DOCK1: variants seen among roughly 807,000 people sequenced by gnomAD.
The protein encoded by DOCK1 is dedicator of cytokinesis 1.
In DOCK1, 138 loss-of-function variants were observed where a neutral mutation model predicts 262.7. The ratio of observed to expected loss-of-function variants is 0.53; its 90% CI spans 0.46 to 0.61. DOCK1 has a LOEUF of 0.61. Among genes scored for constraint, DOCK1 ranks in the 20% least tolerant of loss-of-function variants. DOCK1 has a pLI of 0.00. For missense variants in DOCK1, 1,908 were observed against 2,370.7 expected (o/e 0.80, Z 4.05); for synonymous variants, 866 against 867.4 (o/e 1.00, Z 0.03).
Position 127,093,678 on chromosome 10 carries a change from A to G in DOCK1, c.2446-12553A>G, listed in dbSNP as rs534988666. 1.8e-3 allele frequency among the ~76,000 whole-genome samples: 266 copies of G among 151,458 alleles called. 2 individuals carry two copies. Among genetic ancestry groups the G allele is most frequent in the African/African-American group, 6.1e-3 (252 of 41,266 alleles). The stretch of plus-strand genomic sequence containing the variant: ...GCCTTTTTTTTTTTCTTATAAAGAT[A>G]GTCATCATTGGATTTAGGGCCCACT... On this transcript the variant is annotated intron_variant, in intron 23 of 51. Transcript: ENST00000623213.
intron 31 of DOCK1, among the ~76,000 whole-genome samples, chr10:127,350,404 G>A (rs1289549361): frequency 1.3e-5 from 2 of 152,072 alleles, no homozygotes; most frequent in Non-Finnish European, 1.5e-5. Flanking sequence ...TGGGGCCTTG[G>A]CGCCTGCTGG....
At chr10:126,974,353 T>A (rs1414268419) in intron 2 of DOCK1, among the ~76,000 whole-genome samples, 1 of 152,180 alleles carries the variant, frequency 6.6e-6, no homozygotes, top group Non-Finnish European at 1.5e-5. Flanking sequence ...TTTATTCAAC[T>A]CTTTAAAAGG....
chr10:127,307,898 G>A (rs1159978307), intron 29 of DOCK1, among the ~76,000 whole-genome samples: 1 of 152,212 alleles, frequency 6.6e-6, no homozygotes, highest in Non-Finnish European at 1.5e-5. Context: ...ACAATGCAGA[G>A]AATGAGTTCT....
At chr10:127,172,714 C>T (rs1486179546) in intron 27 of DOCK1, among the ~76,000 whole-genome samples, 6 of 152,138 alleles carry the variant, frequency 3.9e-5, no homozygotes, top group African/African-American at 1.4e-4. Flanking sequence ...CTACCTTCCA[C>T]CGTGAGCTTG....
rs751168047 is a variant in DOCK1 at position 126,981,998 on chromosome 10, T to A, written c.227+25T>A. On this transcript the variant is annotated intron_variant, in intron 4 of 51. Transcript: ENST00000623213. Reference sequence around the variant, plus strand: ...GGTGAGTCTGGTCTTGATGTTTAAATGAAGAATTGCAAGTACTATATTTGG... The same window carrying A: ...GGTGAGTCTGGTCTTGATGTTTAAAAGAAGAATTGCAAGTACTATATTTGG... 3.1e-6 allele frequency: 5 copies of A among 1,611,030 alleles called. No homozygotes were observed. The African/African-American group carries it at 6.7e-5, about 22-fold the overall frequency.
At chr10:127,285,436 A>G (rs867435742) in intron 29 of DOCK1, among the ~76,000 whole-genome samples, 5 of 152,254 alleles carry the variant, frequency 3.3e-5, no homozygotes, top group Non-Finnish European at 7.3e-5. Context: ...CTCATCCTCC[A>G]TAAATGGCCA....
At chr10:127,110,120 TGA>T in intron 24 of DOCK1, 126 bp from the exon 25 acceptor site, 3 of 734,882 alleles carry the variant, frequency 4.1e-6, no homozygotes, top group Non-Finnish European at 4.7e-6. Flanking sequence ...CCATAGTGCA[TGA>T]GAGGCTGTGT....
intron 25 of DOCK1, among the ~76,000 whole-genome samples, chr10:127,115,876 T>C (rs1371558745): frequency 1.3e-5 from 2 of 152,226 alleles, no homozygotes; most frequent in Non-Finnish European, 2.9e-5. Context: ...ACTTATTTGC[T>C]TTGCAAGGTA....
intron 27 of DOCK1, among the ~76,000 whole-genome samples, chr10:127,234,157 A>T (rs1048309738): frequency 9.2e-5 from 14 of 152,230 alleles, no homozygotes; most frequent in Non-Finnish European, 1.9e-4. Context: ...CATTATTATA[A>T]TTTGACATTA....
rs761940729 is a variant in DOCK1 at position 127,384,795 on chromosome 10, G to A, written c.3813G>A (p.Ser1271=). 26 of 1,579,538 alleles carry A rather than the reference G, an allele frequency of 1.6e-5. No homozygotes were observed. Among genetic ancestry groups the A allele is most frequent in the Middle Eastern group, 1.7e-4 (1 of 5,918 alleles). ...ATGCTATGCTTCTCCCTTAGTGGTC[G>A]GAGGATGTGTGTGTGGCCCACCTCA... ...LLLHAKLLKW[S]EDVCVAHLTQ... is the part of the protein sequence containing the mutation. Residue 1271 remains serine, a synonymous_variant, in exon 38 of 52, where the codon TCG becomes TCA. Transcript: ENST00000623213.
At chr10:127,362,882 T>TGCACATCCC (rs376564994) in intron 33 of DOCK1, among the ~76,000 whole-genome samples, 3 of 3,606 alleles carry the variant, frequency 8.3e-4, no homozygotes, top group African/African-American at 3.3e-3. Flanking sequence ...CACATACACA[T>TGCACATCCC]CCCCACACAC....
At position 127,297,041 on chromosome 10, in the gene DOCK1, A is replaced by G. The variant is rs547800877; in HGVS notation, c.3044+39612A>G. Reference sequence around the variant, plus strand: ...GGCCAGCACAGAGCGTGGGGCAGCTATTCCCAGTTCATCAGCATCAGCCAC... The same window carrying G: ...GGCCAGCACAGAGCGTGGGGCAGCTGTTCCCAGTTCATCAGCATCAGCCAC... On this transcript the variant is annotated intron_variant, in intron 29 of 51. Transcript: ENST00000623213. Among the ~76,000 whole-genome samples, 12 of 152,252 alleles carry G rather than the reference A, an allele frequency of 7.9e-5. No individual in the cohort carries two copies. In the South Asian group the frequency reaches 2.5e-3, roughly 32 times the overall value.
chr10:127,443,793 A>T (rs1285980767), intron 49 of DOCK1, among the ~76,000 whole-genome samples: 2 of 152,076 alleles, frequency 1.3e-5, no homozygotes, highest in Non-Finnish European at 1.5e-5. Flanking sequence ...TGGGTGTCTT[A>T]TGGGGTGTTT....
chr10:127,420,444 G>T (rs1411903373), intron 46 of DOCK1, among the ~76,000 whole-genome samples: 1 of 152,154 alleles, frequency 6.6e-6, no homozygotes, highest in Non-Finnish European at 1.5e-5. Flanking sequence ...CTGCTCTGCT[G>T]CTTTAGGCCA....
At chr10:127,165,204 TC>T (rs1268668954) in intron 27 of DOCK1, among the ~76,000 whole-genome samples, 2 of 152,150 alleles carry the variant, frequency 1.3e-5, no homozygotes, top group Non-Finnish European at 2.9e-5. Flanking sequence ...ATCCACAGAG[TC>T]TTTTATCTTT....
At chr10:127,303,596 C>A (rs527511424) in intron 29 of DOCK1, among the ~76,000 whole-genome samples, 3 of 117,258 alleles carry the variant, frequency 2.6e-5, no homozygotes, top group African/African-American at 1.2e-4. Flanking sequence ...GGGAGGCCCA[C>A]ACCTGTAATC....
At position 127,362,101 on chromosome 10, in the gene DOCK1, C is replaced by T. The variant is rs1274938890; in HGVS notation, c.3321C>T (p.Gly1107=). 7.4e-6 allele frequency: 12 copies of T among 1,613,068 alleles called. No individual in the cohort carries two copies. Among genetic ancestry groups the T allele is most frequent in the Admixed American group, 5.0e-5 (3 of 59,836 alleles). ...TAAAGTTCATTCCAGAAATGGTGGG[C>T]CCAATATTAGAAATGACATTAATTC... ...HKIKFIPEMV[G]PILEMTLIPE... The change falls in exon 33 of 52, where the codon GGC becomes GGT. Residue 1107 remains glycine (G), a synonymous_variant. Transcript: ENST00000623213.
intron 28 of DOCK1, among the ~76,000 whole-genome samples, chr10:127,253,233 T>C (rs61872150): frequency 0.33 from 50,656 of 152,002 alleles, 9,704 homozygotes; most frequent in South Asian, 0.57. Context: ...TCTCTGTAGT[T>C]AGCTAGAAGG....
At chr10:127,033,646 C>T (rs980791410) in intron 18 of DOCK1, among the ~76,000 whole-genome samples, 8 of 152,078 alleles carry the variant, frequency 5.3e-5, no homozygotes, top group South Asian at 2.1e-4. Context: ...GGGGATTGTC[C>T]GTAAATCATG....
Sources: gnomAD v4.1 joint callset for allele counts (sites outside exome capture counted in the v4.1 genomes callset) on GRCh38, gnomAD v4.1.1 for gene constraint, MANE v1.5 for transcripts, NCBI Gene and HGNC (gene_info 2026-07-23, HGNC 2026-07-21) for gene names.